Variants in UTP18 observed in about 807,000 individuals in gnomAD.
The protein encoded by UTP18 is U3 small nucleolar RNA-associated protein 18 homolog.
Under a neutral mutation model 61.1 loss-of-function variants are expected in UTP18, and 36 were observed. The observed-to-expected ratio is 0.59, with a 90% CI of 0.45 to 0.78. The LOEUF is 0.78. Among genes scored for constraint, UTP18 ranks in the 30% least tolerant of loss-of-function variants. The probability of loss-of-function intolerance (pLI) is 0.00; values close to 1 mark genes in which losing one functional copy is unlikely to be tolerated. For missense variants in UTP18, 753 were observed against 693.9 expected (o/e 1.09, Z -0.96); for synonymous variants, 282 against 251.1 (o/e 1.12, Z -1.16).
chr17:51,292,948 A>G (rs1018955178), intron 11 of UTP18, among the ~76,000 whole-genome samples: 2 of 152,260 alleles, frequency 1.3e-5, no homozygotes, highest in Non-Finnish European at 2.9e-5. Flanking sequence ...CAAAGTGTAT[A>G]TACAATAGTT....
chr17:51,266,166 T>G lies in UTP18; in HGVS notation c.456-16T>G. The G allele has an allele frequency of 6.5e-7, 1 of 1,547,916 alleles. No individual in the cohort carries two copies. The highest frequency in any genetic ancestry group is 8.7e-7 in the Non-Finnish European group (1 of 1,153,698). ...TCTTTAAAAGTTATTTAAAATATGC[T>G]GTTCTGTTTTTGTAGGGTTGACATG... On this transcript the variant is annotated splice_polypyrimidine_tract_variant and intron_variant, in intron 2 of 13. Transcript: ENST00000225298.
intron 2 of UTP18, 144 bp downstream of exon 2, chr17:51,263,530 T>C: frequency 1.5e-6 from 1 of 673,330 alleles, no homozygotes; most frequent in Admixed American, 2.9e-5. Context: ...CTTTCATGGT[T>C]CCTGATCCCA....
chr17:51,287,324 G>T (rs956767958), intron 10 of UTP18, among the ~76,000 whole-genome samples: 2 of 152,150 alleles, frequency 1.3e-5, no homozygotes, highest in Non-Finnish European at 2.9e-5. Flanking sequence ...AAATCTTTAA[G>T]CTTTTAGAAG....
rs1037373999 is a variant in UTP18 at position 51,279,498 on chromosome 17, T to G, written c.1013-507T>G. On this transcript the variant is annotated intron_variant, in intron 7 of 13. Transcript: ENST00000225298. ...TTGTGAAAAGTTTTGGGGTTTTTTT[T>G]GTTTTTTGTTTTTGTTTTTGACTCA... Among the ~76,000 whole-genome samples the G allele has an allele frequency of 2.3e-4, 34 of 147,718 alleles. 1 individual carries two copies. In the Middle Eastern group the frequency reaches 0.017, roughly 75 times the overall value.
In UTP18 at chr17:51,273,558, T is replaced by C. The variant is rs1247955402; in HGVS notation, c.711+108T>C. ...TTCCTATTATCTGTGGGGTTAAATA[T>C]GTTTGCTGTCATTTTGCCCTGGTAA... On this transcript the variant is annotated intron_variant, in intron 5 of 13. Transcript: ENST00000225298. The C allele has an allele frequency of 2.4e-5, 18 of 750,240 alleles. No individual in the cohort carries two copies. In the South Asian group the frequency reaches 3.4e-4, roughly 14 times the overall value. 46.5% of individuals were successfully genotyped at this position (750,240 alleles called of 1,614,324 possible). A position where few individuals can be genotyped will look rare whatever the true frequency, so the allele number is the denominator to read the frequency against.
chr17:51,285,083 G>T (rs550274846), intron 9 of UTP18, among the ~76,000 whole-genome samples, 162 bp from the exon 10 acceptor site: 1 of 150,984 alleles, frequency 6.6e-6, no homozygotes, highest in Non-Finnish European at 1.5e-5. Context: ...AAGGAAAAAA[G>T]AAAAGAAATA....
intron 7 of UTP18, among the ~76,000 whole-genome samples, chr17:51,278,238 G>A (rs1904796422): frequency 6.6e-6 from 1 of 152,178 alleles, no homozygotes; most frequent in Non-Finnish European, 1.5e-5. Flanking sequence ...GTCTCATTAA[G>A]CTGCAGATTC....
At chr17:51,292,724 A>G (rs530237087) in intron 11 of UTP18, among the ~76,000 whole-genome samples, 8 of 152,328 alleles carry the variant, frequency 5.3e-5, no homozygotes, top group African/African-American at 1.7e-4. Context: ...AACTGCTTCC[A>G]TACCTGGGTT....
At chr17:51,297,363 TTA>T (rs2144453544) in intron 13 of UTP18, among the ~76,000 whole-genome samples, 1 of 152,294 alleles carries the variant, frequency 6.6e-6, no homozygotes, top group South Asian at 2.1e-4. Flanking sequence ...AATCCTCTTA[TTA>T]TATATATGTT....
At chr17:51,293,296 A>G (rs1464418333) in intron 11 of UTP18, among the ~76,000 whole-genome samples, 1 of 152,178 alleles carries the variant, frequency 6.6e-6, no homozygotes, top group African/African-American at 2.4e-5. Flanking sequence ...TAACACATTA[A>G]AGATCAAATT....
intron 11 of UTP18, among the ~76,000 whole-genome samples, chr17:51,292,520 C>T (rs556560822): frequency 2.0e-5 from 3 of 152,224 alleles, no homozygotes; most frequent in Non-Finnish European, 4.4e-5. Context: ...GTGTATGTAT[C>T]AGTGGTTTTT....
intron 8 of UTP18, 97 bp from the exon 9 acceptor site, chr17:51,280,292 G>T (rs551286540): frequency 1.4e-6 from 2 of 1,402,772 alleles, no homozygotes; most frequent in Non-Finnish European, 2.0e-6. Context: ...AGTTGAGTAG[G>T]TGCTAGAAAA....
chr17:51,278,179 C>A lies in UTP18; in HGVS notation c.1012+875C>A, dbSNP rs908550345. ...CTTTCCAAGTAGATCCTTGGTTTACCCTAAGGCAGAGCTTCTCAGAAGTAA... is the reference window on the plus strand; with the variant it reads ...CTTTCCAAGTAGATCCTTGGTTTACACTAAGGCAGAGCTTCTCAGAAGTAA... On this transcript the variant is annotated intron_variant, in intron 7 of 13. Transcript: ENST00000225298. Among the ~76,000 whole-genome samples the A allele has an allele frequency of 7.2e-5, 11 of 152,142 alleles. No individual in the cohort carries two copies. In the East Asian group the frequency reaches 2.1e-3, roughly 29 times the overall value.
intron 5 of UTP18, among the ~76,000 whole-genome samples, chr17:51,274,171 T>C (rs991211341): frequency 2.6e-5 from 4 of 152,218 alleles, no homozygotes; most frequent in Admixed American, 6.5e-5. Context: ...TTGCTCTTTC[T>C]CTTTTGTTCT....
At position 51,297,009 on chromosome 17, in the gene UTP18, A is replaced by G; in HGVS notation, c.*14+6A>G. The G allele has an allele frequency of 6.2e-7, 1 of 1,603,726 alleles. No homozygotes were observed. Among genetic ancestry groups the G allele is most frequent in the South Asian group, 1.1e-5 (1 of 89,546 alleles). Reference sequence around the variant, plus strand: ...TTCTAAAGAGACTATTTGAAGTAAGAAAACCCTTTTCTTACAAATTCTGCA... The same window carrying G: ...TTCTAAAGAGACTATTTGAAGTAAGGAAACCCTTTTCTTACAAATTCTGCA... On this transcript the variant is annotated splice_donor_region_variant and intron_variant, in intron 13 of 13. Coordinates refer to ENST00000225298, the MANE Select transcript of UTP18 (RefSeq NM_016001.3).
chr17:51,280,132 C>G (rs1460536931), intron 8 of UTP18, 27 bp downstream of exon 8: 20 of 1,592,816 alleles, frequency 1.3e-5, no homozygotes, highest in Admixed American at 8.4e-5. Context: ...GCTTCTTGTT[C>G]TTCTCCCACA....
In UTP18 at chr17:51,288,214, C is replaced by A. The variant is rs753119136; in HGVS notation, c.1503+11C>A. Reference sequence around the variant, plus strand: ...GAAGCAGTCAGATTGGTAAATATTTCATTACCCCTTTATTATTGTTATTTT... The same window carrying A: ...GAAGCAGTCAGATTGGTAAATATTTAATTACCCCTTTATTATTGTTATTTT... On this transcript the variant is annotated intron_variant, in intron 11 of 13. Coordinates refer to ENST00000225298, the MANE Select transcript of UTP18 (RefSeq NM_016001.3). 1 of 1,565,860 alleles carries A rather than the reference C, an allele frequency of 6.4e-7. No homozygotes were observed. The highest frequency in any genetic ancestry group is 8.6e-7 in the Non-Finnish European group (1 of 1,163,180).
intron 1 of UTP18, among the ~76,000 whole-genome samples, chr17:51,261,132 C>G (rs1043879318): frequency 5.3e-5 from 8 of 152,238 alleles, no homozygotes; most frequent in Non-Finnish European, 1.0e-4. Context: ...GGGCGGGGAC[C>G]GCGTCTTTCT....
At chr17:51,266,080 C>A in intron 2 of UTP18, 102 bp from the exon 3 acceptor site, 1 of 812,866 alleles carries the variant, frequency 1.2e-6, no homozygotes, top group Non-Finnish European at 1.8e-6. Flanking sequence ...AAATCTTGAC[C>A]TATATTGTTT....
Sources: gnomAD v4.1 joint callset for allele counts (sites outside exome capture counted in the v4.1 genomes callset) on GRCh38, gnomAD v4.1.1 for gene constraint, MANE v1.5 for transcripts, NCBI Gene and HGNC (gene_info 2026-07-23, HGNC 2026-07-21) for gene names.